TENM3: variants seen among roughly 807,000 people sequenced by gnomAD.
The protein encoded by TENM3 is teneurin-3.
In TENM3, 63 loss-of-function variants were observed where a neutral mutation model predicts 255.1. The ratio of observed to expected loss-of-function variants is 0.25; its 90% CI spans 0.20 to 0.30. The LOEUF is 0.30. TENM3 is among the 10% of genes least tolerant of loss of function. The probability of loss-of-function intolerance (pLI) is 1.00; values close to 1 mark genes in which losing one functional copy is unlikely to be tolerated. For missense variants in TENM3, 2,929 were observed against 3,461.1 expected (o/e 0.85, Z 3.86); for synonymous variants, 1,306 against 1,322.3 (o/e 0.99, Z 0.27).
intron 12 of TENM3, among the ~76,000 whole-genome samples, chr4:182,699,402 G>A (rs566624889): frequency 1.3e-5 from 2 of 152,252 alleles, no homozygotes; most frequent in East Asian, 1.9e-4. Context: ...CCAGGACCTC[G>A]TGTTTGTTTC....
chr4:181,588,235 T>C, the TENM3 span, among the ~76,000 whole-genome samples: 1 of 152,092 alleles, frequency 6.6e-6, no homozygotes, highest in Non-Finnish European at 1.5e-5. Context: ...AGGCAATCCT[T>C]CTCCGCACAT....
At position 182,679,688 on chromosome 4, in the gene TENM3, A is replaced by G. The variant is rs574712577; in HGVS notation, c.1349A>G (p.Asp450Gly). 1.9e-6 allele frequency: 3 copies of G among 1,612,582 alleles called. No individual in the cohort carries two copies. Among genetic ancestry groups the G allele is most frequent in the East Asian group, 4.5e-5 (2 of 44,876 alleles). Residue 450 changes from aspartate (D) to glycine (G), a missense_variant, in exon 8 of 28, where the codon GAT (aspartate) becomes GGT (glycine). Asp to Gly is a moderately conservative substitution (Grantham distance 94). This residue lies in a region of TENM3 where 1,608 missense variants were observed against 1,884.4 expected (regional missense o/e 0.85). Coordinates refer to ENST00000511685, the MANE Select transcript of TENM3 (RefSeq NM_001080477.4). ...HTQYDFVELL[D>G]GSRLIAREQR... ...CAGTATGACTTCGTGGAGCTCCTGG[A>G]TGGCAGCAGGCTGATTGCCAGAGAG...
chr4:182,094,116 G>C, the TENM3 span, among the ~76,000 whole-genome samples: 3 of 152,112 alleles, frequency 2.0e-5, no homozygotes, highest in Non-Finnish European at 4.4e-5. Flanking sequence ...TGAAGTCACC[G>C]ACAGTAAGAG....
chr4:181,676,050 C>T, the TENM3 span, among the ~76,000 whole-genome samples: 58 of 151,666 alleles, frequency 3.8e-4, no homozygotes, highest in Admixed American at 3.4e-3. Context: ...AATGAGCACT[C>T]TTAAAGTGTT....
chr4:181,920,744 C>T, the TENM3 span, among the ~76,000 whole-genome samples: 21,670 of 151,500 alleles, frequency 0.14, 1,603 homozygotes, highest in East Asian at 0.2. Context: ...TTAATTAGAT[C>T]CCATTTGTCA....
chr4:182,047,672 CTG>C, the TENM3 span, among the ~76,000 whole-genome samples: 1 of 151,622 alleles, frequency 6.6e-6, no homozygotes, highest in Non-Finnish European at 1.5e-5. Flanking sequence ...ATAACCAACA[CTG>C]ATATTCTTAA....
the TENM3 span, among the ~76,000 whole-genome samples, chr4:181,949,361 A>G: frequency 6.6e-6 from 1 of 152,220 alleles, no homozygotes; most frequent in South Asian, 2.1e-4. Flanking sequence ...AAGGCAGAAG[A>G]CTAGGGATGG....
At chr4:181,922,086 A>G in the TENM3 span, among the ~76,000 whole-genome samples, 6 of 152,146 alleles carry the variant, frequency 3.9e-5, no homozygotes, top group Non-Finnish European at 5.9e-5. Context: ...GATGAAGCCC[A>G]CTTGATCATG....
the TENM3 span, among the ~76,000 whole-genome samples, chr4:182,115,520 A>G: frequency 1.3e-5 from 2 of 152,200 alleles, no homozygotes; most frequent in African/African-American, 2.4e-5. Flanking sequence ...CTTGTACTCA[A>G]TGAGAAGTAG....
At chr4:181,554,044 T>A in the TENM3 span, among the ~76,000 whole-genome samples, 1 of 152,218 alleles carries the variant, frequency 6.6e-6, no homozygotes, top group African/African-American at 2.4e-5. Context: ...CGGCTCTAAC[T>A]GTATAGAAAC....
the TENM3 span, among the ~76,000 whole-genome samples, chr4:181,501,432 G>T: frequency 8.6e-5 from 13 of 151,408 alleles, 1 homozygote; most frequent in Admixed American, 3.9e-4. Flanking sequence ...GGGCTGGAGT[G>T]CAGTGGTGCG....
chr4:182,454,881 A>G (rs1394518756), intron 3 of TENM3, among the ~76,000 whole-genome samples: 1 of 152,210 alleles, frequency 6.6e-6, no homozygotes, highest in Admixed American at 6.5e-5. Context: ...AGTGCTGCAT[A>G]CAAGATTTTT....
the TENM3 span, among the ~76,000 whole-genome samples, chr4:182,092,118 T>A: frequency 6.6e-6 from 1 of 151,994 alleles, no homozygotes; most frequent in Non-Finnish European, 1.5e-5. Flanking sequence ...GGCGGGTGGA[T>A]CACTCGAGGT....
the TENM3 span, among the ~76,000 whole-genome samples, chr4:182,048,446 C>T: frequency 2.0e-5 from 3 of 152,104 alleles, no homozygotes. Context: ...GATAATCATG[C>T]TCTTTGTTGA....
chr4:182,023,203 C>T, the TENM3 span, among the ~76,000 whole-genome samples: 1 of 152,152 alleles, frequency 6.6e-6, no homozygotes, highest in Admixed American at 6.5e-5. Flanking sequence ...TTTAAACTTT[C>T]TTTTTTCCAA....
At chr4:181,791,618 T>G in the TENM3 span, among the ~76,000 whole-genome samples, 16 of 152,280 alleles carry the variant, frequency 1.1e-4, no homozygotes, top group Admixed American at 3.3e-4. Flanking sequence ...CCAGCACATT[T>G]TAAGAAATGA....
At chr4:181,545,012 G>A in the TENM3 span, among the ~76,000 whole-genome samples, 1 of 152,194 alleles carries the variant, frequency 6.6e-6, no homozygotes, top group Non-Finnish European at 1.5e-5. Flanking sequence ...TTGATTGCAA[G>A]GTGGCATCGC....
chr4:181,585,514 A>T, the TENM3 span, among the ~76,000 whole-genome samples: 1 of 152,232 alleles, frequency 6.6e-6, no homozygotes, highest in Non-Finnish European at 1.5e-5. Context: ...GATATACTAA[A>T]AAATGAGACT....
chr4:181,676,987 A>AT, the TENM3 span, among the ~76,000 whole-genome samples: 1 of 94,942 alleles, frequency 1.1e-5, no homozygotes, highest in African/African-American at 3.9e-5. Flanking sequence ...TCCCGATTTT[A>AT]TCTTTTTTTT....
Sources: gnomAD v4.1 joint callset for allele counts (sites outside exome capture counted in the v4.1 genomes callset) on GRCh38, gnomAD v4.1.1 for gene constraint, gnomAD v4.1.1 regional missense constraint, MANE v1.5 for transcripts, NCBI Gene and HGNC (gene_info 2026-07-23, HGNC 2026-07-21) for gene names.